The following CERS6 variants were observed in gnomAD, a reference collection of about 807,000 sequenced individuals.
CERS6 encodes the protein LAG1 homolog, ceramide synthase 6.
A neutral mutation model predicts 56.8 loss-of-function variants in CERS6; 26 were observed. That is an observed-to-expected ratio of 0.46 (90% confidence interval 0.34 to 0.63). CERS6 has a LOEUF of 0.63. Among genes scored for constraint, CERS6 ranks in the 30% least tolerant of loss-of-function variants. The probability of loss-of-function intolerance (pLI) is 0.01; values close to 1 mark genes in which losing one functional copy is unlikely to be tolerated. For synonymous variants in CERS6, 164 were observed against 173.3 expected (o/e 0.95, Z 0.42); for missense variants, 415 against 467.5 (o/e 0.89, Z 1.04).
chr2:168,615,794 T>C (rs1325893698), intron 3 of CERS6, among the ~76,000 whole-genome samples: 2 of 152,158 alleles, frequency 1.3e-5, no homozygotes, highest in East Asian at 1.9e-4. Flanking sequence ...GGAAAACATA[T>C]TGGGGAGAAT....
chr2:168,705,628 A>G (rs80142440), intron 6 of CERS6, among the ~76,000 whole-genome samples: 4 of 152,134 alleles, frequency 2.6e-5, no homozygotes, highest in Non-Finnish European at 5.9e-5. Context: ...TCCATCTTCT[A>G]TCTAAAGCAC....
intron 4 of CERS6, among the ~76,000 whole-genome samples, chr2:168,631,826 T>A (rs989976841): frequency 7.6e-6 from 1 of 131,806 alleles, no homozygotes; most frequent in Non-Finnish European, 1.5e-5. Flanking sequence ...TTATATATTA[T>A]ATAATATATA....
intron 1 of CERS6, among the ~76,000 whole-genome samples, chr2:168,488,247 C>T (rs1294556727): frequency 6.6e-6 from 1 of 151,978 alleles, no homozygotes; most frequent in South Asian, 2.1e-4. Context: ...CAGCTTAATA[C>T]TCTGGTAATG....
chr2:168,651,811 T>C (rs1021317774), intron 4 of CERS6, among the ~76,000 whole-genome samples: 14 of 152,152 alleles, frequency 9.2e-5, no homozygotes, highest in Non-Finnish European at 1.6e-4. Flanking sequence ...ATCAGTAACT[T>C]TAATCTGAGC....
intron 8 of CERS6, among the ~76,000 whole-genome samples, chr2:168,759,362 A>C (rs1174541586): frequency 6.6e-6 from 1 of 152,212 alleles, no homozygotes; most frequent in African/African-American, 2.4e-5. Context: ...AGGTTTGGGC[A>C]GAACAAACCC....
At chr2:168,491,671 G>A (rs898947937) in intron 1 of CERS6, among the ~76,000 whole-genome samples, 5 of 151,988 alleles carry the variant, frequency 3.3e-5, no homozygotes, top group African/African-American at 1.2e-4. Context: ...TGGGATACAT[G>A]TGCAGAACGT....
intron 1 of CERS6, among the ~76,000 whole-genome samples, chr2:168,506,678 C>T (rs1245229228): frequency 6.6e-6 from 1 of 152,070 alleles, no homozygotes; most frequent in Non-Finnish European, 1.5e-5. Context: ...CACTTTTTGT[C>T]TTCATTCAAA....
At chr2:168,673,555 A>C (rs898284043) in intron 4 of CERS6, among the ~76,000 whole-genome samples, 2 of 152,182 alleles carry the variant, frequency 1.3e-5, no homozygotes, top group Non-Finnish European at 2.9e-5. Context: ...GTAATTCTAG[A>C]AATTATTTGG....
chr2:168,755,703 G>A (rs936327153), intron 8 of CERS6, among the ~76,000 whole-genome samples: 2 of 152,220 alleles, frequency 1.3e-5, no homozygotes, highest in African/African-American at 4.8e-5. Flanking sequence ...CAGCCTTTCT[G>A]TGTTTCTGCT....
chr2:168,532,998 AC>A (rs1695195096), intron 1 of CERS6, among the ~76,000 whole-genome samples: 1 of 152,220 alleles, frequency 6.6e-6, no homozygotes, highest in African/African-American at 2.4e-5. Context: ...GTATATAAGC[AC>A]AAATTTAAAG....
intron 3 of CERS6, among the ~76,000 whole-genome samples, chr2:168,619,355 C>G (rs995775550): frequency 9.9e-5 from 15 of 151,958 alleles, no homozygotes; most frequent in African/African-American, 3.6e-4. Context: ...AGAGAAATGG[C>G]TGGGACTTAA....
intron 6 of CERS6, among the ~76,000 whole-genome samples, chr2:168,709,750 C>T (rs529266436): frequency 6.6e-6 from 1 of 152,280 alleles, no homozygotes; most frequent in South Asian, 2.1e-4. Context: ...TATGTGTGCA[C>T]TAATCACTTT....
At chr2:168,459,416 C>T (rs993799720) in intron 1 of CERS6, among the ~76,000 whole-genome samples, 3 of 152,276 alleles carry the variant, frequency 2.0e-5, no homozygotes, top group African/African-American at 7.2e-5. Context: ...CATTGGTAGC[C>T]AGAACATGTC....
intron 3 of CERS6, among the ~76,000 whole-genome samples, chr2:168,576,043 A>G (rs1030869679): frequency 6.6e-6 from 1 of 152,192 alleles, no homozygotes; most frequent in Non-Finnish European, 1.5e-5. Flanking sequence ...AGGCAGGGAC[A>G]TAGGGAGGTA....
At chr2:168,708,452 CTGTTTTT>C (rs1407660676) in intron 6 of CERS6, among the ~76,000 whole-genome samples, 2 of 152,130 alleles carry the variant, frequency 1.3e-5, no homozygotes, top group East Asian at 3.9e-4. Flanking sequence ...AATAAGAGTA[CTGTTTTT>C]TGTTTGTTTG....
intron 4 of CERS6, among the ~76,000 whole-genome samples, chr2:168,654,776 A>G (rs1169606592): frequency 6.6e-6 from 1 of 152,188 alleles, no homozygotes; most frequent in East Asian, 1.9e-4. Context: ...GATGATCCCA[A>G]TGCTTATCTC....
chr2:168,720,529 A>G (rs1426326506), intron 8 of CERS6, among the ~76,000 whole-genome samples: 1 of 152,140 alleles, frequency 6.6e-6, no homozygotes, highest in Non-Finnish European at 1.5e-5. Flanking sequence ...TCAGGATAGT[A>G]TACTGGTTAG....
At position 168,773,719 on chromosome 2, in the gene CERS6, A is replaced by G. The variant is rs1684923374; in HGVS notation, c.*4057A>G. 6.6e-6 allele frequency: 1 copy of G among 152,226 alleles called. No individual in the cohort carries two copies. The highest frequency in any genetic ancestry group is 1.5e-5 in the Non-Finnish European group (1 of 68,052). 9.4% of individuals were successfully genotyped at this position (152,226 alleles called of 1,614,324 possible). A position where few individuals can be genotyped will look rare whatever the true frequency, so the allele number is the denominator to read the frequency against. On this transcript the variant is annotated 3_prime_UTR_variant, in exon 10 of 10. Coordinates refer to ENST00000305747, the MANE Select transcript of CERS6 (RefSeq NM_203463.3). Reference sequence around the variant, plus strand: ...GATATTGCAGTCCCCAGAGCCAGTGAAGGTTTCTTTTGGTAAAATGAAATT... The same window carrying G: ...GATATTGCAGTCCCCAGAGCCAGTGGAGGTTTCTTTTGGTAAAATGAAATT...
intron 8 of CERS6, among the ~76,000 whole-genome samples, chr2:168,732,226 A>AG (rs1030379330): frequency 6.6e-6 from 1 of 152,188 alleles, no homozygotes; most frequent in African/African-American, 2.4e-5. Context: ...ATTTTCCTGA[A>AG]GCACTGTTAT....
Sources: gnomAD v4.1 joint callset for allele counts (sites outside exome capture counted in the v4.1 genomes callset) on GRCh38, gnomAD v4.1.1 for gene constraint, MANE v1.5 for transcripts, NCBI Gene and HGNC (gene_info 2026-07-23, HGNC 2026-07-21) for gene names.